Variants in FSTL5 observed in about 807,000 individuals in gnomAD.
FSTL5 encodes follistatin like 5, also known as follistatin-related protein 5.
FSTL5 carries 62 observed loss-of-function variants against 89.1 expected under a neutral mutation model. The ratio of observed to expected loss-of-function variants is 0.70; its 90% CI spans 0.57 to 0.86. The LOEUF is 0.86. FSTL5 is among the 40% of genes least tolerant of loss of function. The pLI is 0.00. For missense variants in FSTL5, 1,057 were observed against 1,001.6 expected (o/e 1.06, Z -0.75); for synonymous variants, 383 against 346.2 (o/e 1.11, Z -1.18).
intron 15 of FSTL5, among the ~76,000 whole-genome samples, chr4:161,393,086 C>T (rs1578938956): frequency 1.3e-5 from 2 of 152,044 alleles, no homozygotes; most frequent in South Asian, 4.1e-4. Context: ...ATCACTTGAA[C>T]CCGGGAGGCA....
At position 161,385,798 on chromosome 4, in the gene FSTL5, C is replaced by T; in HGVS notation, c.2493G>A (p.Glu831=). The change falls in exon 16 of 16, where the codon GAG becomes GAA. Residue 831 remains glutamate, a synonymous_variant. Transcript: ENST00000306100. ...TATTTCCTTTTTCAACTTCAGTGATCTCACAGTTTAATTTATTGAGTCGTC... is the reference window on the plus strand; with the variant it reads ...TATTTCCTTTTTCAACTTCAGTGATTTCACAGTTTAATTTATTGAGTCGTC... The part of the protein sequence containing the change: ...LDGRLNKLNC[E]ITEVEKGNTV... 1 of 1,610,982 alleles carries T rather than the reference C, an allele frequency of 6.2e-7. No individual in the cohort carries two copies. Among genetic ancestry groups the T allele is most frequent in the Non-Finnish European group, 8.5e-7 (1 of 1,179,084 alleles).
At chr4:161,505,323 T>C (rs1026375827) in intron 11 of FSTL5, among the ~76,000 whole-genome samples, 5 of 152,176 alleles carry the variant, frequency 3.3e-5, no homozygotes, top group Admixed American at 2.0e-4. Context: ...AATCATACCA[T>C]TGCACCTCAA....
intron 7 of FSTL5, among the ~76,000 whole-genome samples, chr4:161,611,395 T>G (rs1182738478): frequency 2.0e-5 from 3 of 151,656 alleles, no homozygotes; most frequent in Non-Finnish European, 4.4e-5. Context: ...ATTCATATAT[T>G]ATGCACACAC....
rs528769805 is a variant in FSTL5 at position 162,053,281 on chromosome 4, A to C, written c.127-19623T>G. Among the ~76,000 whole-genome samples, 12 of 151,958 alleles carry C rather than the reference A, an allele frequency of 7.9e-5. No homozygotes were observed. In the South Asian group the frequency reaches 2.3e-3, roughly 29 times the overall value. ...TGTTTTTCAGAGTATCTGTAACCAC[A>C]GTATGTCCTCTTAAGGGTTGCAGTG... On this transcript the variant is annotated intron_variant, in intron 2 of 15. Coordinates refer to ENST00000306100, the MANE Select transcript of FSTL5 (RefSeq NM_020116.5).
intron 3 of FSTL5, among the ~76,000 whole-genome samples, chr4:161,945,454 A>G (rs1440954640): frequency 1.3e-5 from 2 of 152,204 alleles, no homozygotes; most frequent in African/African-American, 4.8e-5. Context: ...AAATGTGATC[A>G]CATAAAATTA....
chr4:162,033,065 T>C (rs972131706), intron 3 of FSTL5, among the ~76,000 whole-genome samples: 1 of 152,170 alleles, frequency 6.6e-6, no homozygotes, highest in Non-Finnish European at 1.5e-5. Flanking sequence ...TACTGAAGGA[T>C]GACAATCTAC....
chr4:161,911,042 G>A (rs938318605), intron 4 of FSTL5, among the ~76,000 whole-genome samples: 2 of 152,030 alleles, frequency 1.3e-5, no homozygotes, highest in South Asian at 2.1e-4. Context: ...TCAAATCACA[G>A]TAATTGGAAA....
chr4:161,674,386 C>T (rs1002548429), intron 6 of FSTL5, among the ~76,000 whole-genome samples: 4 of 152,056 alleles, frequency 2.6e-5, no homozygotes, highest in Non-Finnish European at 5.9e-5. Context: ...GAATAAAAGA[C>T]GGAAAAATGT....
intron 4 of FSTL5, among the ~76,000 whole-genome samples, chr4:161,806,314 T>C (rs893193448): frequency 6.6e-6 from 1 of 152,132 alleles, no homozygotes; most frequent in Non-Finnish European, 1.5e-5. Flanking sequence ...TTAAGTTATA[T>C]AGAATCTTTC....
At chr4:161,395,090 A>T (rs1730952402) in intron 15 of FSTL5, among the ~76,000 whole-genome samples, 1 of 152,162 alleles carries the variant, frequency 6.6e-6, no homozygotes, top group Admixed American at 6.5e-5. Flanking sequence ...CCTGAGAGTG[A>T]ACAAATTCTC....
intron 4 of FSTL5, among the ~76,000 whole-genome samples, chr4:161,818,003 G>C (rs1730380192): frequency 6.6e-6 from 1 of 152,178 alleles, no homozygotes; most frequent in Admixed American, 6.5e-5. Flanking sequence ...CGCAAATGTA[G>C]CATTTCCCTA....
intron 6 of FSTL5, among the ~76,000 whole-genome samples, chr4:161,734,220 T>C: frequency 6.6e-6 from 1 of 152,014 alleles, no homozygotes. Context: ...GGATTTTAAA[T>C]AAAAAAATAA....
intron 2 of FSTL5, among the ~76,000 whole-genome samples, chr4:162,076,624 C>T (rs1379150353): frequency 2.0e-5 from 3 of 151,710 alleles, no homozygotes; most frequent in South Asian, 2.1e-4. Context: ...GGCAAGACTT[C>T]TGTGGATAAA....
In FSTL5 at chr4:161,965,698, CT is replaced by C. The variant is rs1735303814; in HGVS notation, c.161-45047del. Among the ~76,000 whole-genome samples the C allele has an allele frequency of 3.3e-5, 5 of 152,134 alleles. No individual in the cohort carries two copies. In the South Asian group the frequency reaches 1.0e-3, roughly 32 times the overall value. On this transcript the variant is annotated intron_variant, in intron 3 of 15. Transcript: ENST00000306100. ...TGTATAAAAAAGTGATAAATCACAACTTGTTTACTGCTGGCATAGTGCTCAC... is the reference window on the plus strand; with the variant it reads ...TGTATAAAAAAGTGATAAATCACAACTGTTTACTGCTGGCATAGTGCTCAC...
intron 1 of FSTL5, among the ~76,000 whole-genome samples, chr4:162,131,831 T>G (rs1292262054): frequency 6.6e-6 from 1 of 152,206 alleles, no homozygotes; most frequent in East Asian, 1.9e-4. Flanking sequence ...CAGCAGACCT[T>G]ATACCATATT....
chr4:161,543,937 T>C (rs1162171610), intron 8 of FSTL5, among the ~76,000 whole-genome samples: 1 of 151,756 alleles, frequency 6.6e-6, no homozygotes, highest in Non-Finnish European at 1.5e-5. Flanking sequence ...AATGACACTA[T>C]AAAAAAGTAT....
At chr4:161,560,983 T>C (rs1482438485) in intron 8 of FSTL5, among the ~76,000 whole-genome samples, 2 of 151,964 alleles carry the variant, frequency 1.3e-5, no homozygotes, top group Non-Finnish European at 2.9e-5. Context: ...GTATATGCCA[T>C]ACATTTGTAT....
intron 6 of FSTL5, among the ~76,000 whole-genome samples, chr4:161,656,776 G>C (rs1176085150): frequency 2.0e-5 from 3 of 152,146 alleles, no homozygotes; most frequent in African/African-American, 7.2e-5. Context: ...CCAAAAGAGA[G>C]ATAAATTACT....
At chr4:161,920,198 T>A (rs1388843768) in intron 4 of FSTL5, among the ~76,000 whole-genome samples, 2 of 152,346 alleles carry the variant, frequency 1.3e-5, no homozygotes, top group Non-Finnish European at 2.9e-5. Flanking sequence ...AGTCATATTT[T>A]GGCCAGCTTT....
Sources: gnomAD v4.1 joint callset for allele counts (sites outside exome capture counted in the v4.1 genomes callset) on GRCh38, gnomAD v4.1.1 for gene constraint, MANE v1.5 for transcripts, NCBI Gene and HGNC (gene_info 2026-07-23, HGNC 2026-07-21) for gene names.